Variants in RBFOX1 observed in about 807,000 individuals in gnomAD.
The protein encoded by RBFOX1 is RNA binding protein fox-1 homolog 1.
RBFOX1 carries 8 observed loss-of-function variants against 57.7 expected under a neutral mutation model. The ratio of observed to expected loss-of-function variants is 0.14; its 90% CI spans 0.08 to 0.25. The LOEUF (loss-of-function observed/expected upper bound fraction) is 0.25. Among genes scored for constraint, RBFOX1 ranks in the 10% least tolerant of loss-of-function variants. The probability of loss-of-function intolerance (pLI) is 1.00; values close to 1 mark genes in which losing one functional copy is unlikely to be tolerated. For synonymous variants in RBFOX1, 326 were observed against 222.4 expected (o/e 1.47, Z -4.15); for missense variants, 611 against 548.5 (o/e 1.11, Z -1.14).
chr16:7,350,149 A>C (rs1008518321), intron 4 of RBFOX1, among the ~76,000 whole-genome samples: 2 of 152,148 alleles, frequency 1.3e-5, no homozygotes, highest in African/African-American at 4.8e-5. Context: ...TCCATCTAAA[A>C]AATTTAAAAA....
intron 4 of RBFOX1, among the ~76,000 whole-genome samples, chr16:7,092,874 A>T (rs544411654): frequency 1.2e-4 from 18 of 152,056 alleles, no homozygotes; most frequent in Non-Finnish European, 2.1e-4. Flanking sequence ...TTTCACAGTG[A>T]TTCTTCTTTC....
chr16:6,583,970 A>G (rs1490729442), intron 2 of RBFOX1, among the ~76,000 whole-genome samples: 1 of 151,542 alleles, frequency 6.6e-6, no homozygotes, highest in South Asian at 2.1e-4. Context: ...AAGCTGAAAA[A>G]CAAATAAACA....
At chr16:5,313,542 C>G (rs2064148585) in intron 1 of RBFOX1, among the ~76,000 whole-genome samples, 1 of 151,962 alleles carries the variant, frequency 6.6e-6, no homozygotes, top group Admixed American at 6.6e-5. Context: ...AAAGACTTAC[C>G]CGAGACTGGG....
At chr16:6,226,556 T>G (rs566781511) in intron 1 of RBFOX1, among the ~76,000 whole-genome samples, 210 of 152,162 alleles carry the variant, frequency 1.4e-3, no homozygotes, top group Non-Finnish European at 2.4e-3. Flanking sequence ...CTGAAGCATA[T>G]TGTATGAATT....
intron 4 of RBFOX1, among the ~76,000 whole-genome samples, chr16:5,962,131 C>G (rs1247638285): frequency 6.6e-6 from 1 of 152,118 alleles, no homozygotes; most frequent in African/African-American, 2.4e-5. Flanking sequence ...AAGGCTGTAT[C>G]TCCTGTCTTT....
chr16:5,554,748 A>G (rs2045605606), intron 2 of RBFOX1, among the ~76,000 whole-genome samples: 1 of 152,240 alleles, frequency 6.6e-6, no homozygotes. Context: ...ATTGATCAAC[A>G]AAGAGAAGCA....
At chr16:7,647,145 C>T (rs1207791790) in intron 11 of RBFOX1, among the ~76,000 whole-genome samples, 2 of 152,106 alleles carry the variant, frequency 1.3e-5, no homozygotes, top group Non-Finnish European at 2.9e-5. Flanking sequence ...ACTTCTTATT[C>T]CCAAGAACTG....
chr16:6,867,055 A>G (rs1450536299), intron 3 of RBFOX1, among the ~76,000 whole-genome samples: 2 of 151,026 alleles, frequency 1.3e-5, no homozygotes, highest in Non-Finnish European at 2.9e-5. Flanking sequence ...TGCTATTATT[A>G]TGAGTTTGTA....
intron 1 of RBFOX1, among the ~76,000 whole-genome samples, chr16:5,309,155 A>G (rs956261381): frequency 6.6e-6 from 1 of 152,168 alleles, no homozygotes; most frequent in Non-Finnish European, 1.5e-5. Context: ...CCTGACTTAA[A>G]ATTCCTTTAC....
chr16:6,881,658 T>C (rs1320461994), intron 3 of RBFOX1, among the ~76,000 whole-genome samples: 1 of 152,174 alleles, frequency 6.6e-6, no homozygotes, highest in Non-Finnish European at 1.5e-5. Context: ...TCAAATAAAG[T>C]CACATTCTTA....
At position 6,900,642 on chromosome 16, in the gene RBFOX1, C is replaced by T. The variant is rs74660648; in HGVS notation, c.-15-151415C>T. Among the ~76,000 whole-genome samples, 1,482 of 152,270 alleles carry T rather than the reference C, an allele frequency of 9.7e-3. 26 individuals are homozygous for T. Among genetic ancestry groups the T allele is most frequent in the African/African-American group, 0.034 (1,397 of 41,540 alleles). ...GATGCTATTCCCTCTGCCTGGAATTCTACCCTTCTTGACCTCGTCCCACCA... is the reference window on the plus strand; with the variant it reads ...GATGCTATTCCCTCTGCCTGGAATTTTACCCTTCTTGACCTCGTCCCACCA... On this transcript the variant is annotated intron_variant, in intron 3 of 15. Coordinates refer to ENST00000550418, the MANE Select transcript of RBFOX1 (RefSeq NM_018723.4).
chr16:5,271,185 AAG>A, intron 1 of RBFOX1, among the ~76,000 whole-genome samples: 1 of 152,232 alleles, frequency 6.6e-6, no homozygotes, highest in East Asian at 1.9e-4. Context: ...TCTCTCCAAA[AAG>A]AAAAAAGAAA....
intron 13 of RBFOX1, among the ~76,000 whole-genome samples, chr16:7,669,137 CAA>C (rs549478229): frequency 1.3e-5 from 2 of 152,162 alleles, no homozygotes; most frequent in Non-Finnish European, 2.9e-5. Flanking sequence ...CTCCTGACTT[CAA>C]GAGATCCACC....
In RBFOX1 at chr16:7,177,975, G is replaced by A. The variant is rs1028957799; in HGVS notation, c.27+125877G>A. The stretch of plus-strand genomic sequence containing the variant: ...TGGAGAGCAGACACAACATGCTCAC[G>A]CTCTGGTTCCTTTCTTCTGACCTAT... On this transcript the variant is annotated intron_variant, in intron 4 of 15. Transcript: ENST00000550418. Among the ~76,000 whole-genome samples the A allele has an allele frequency of 4.6e-5, 7 of 152,166 alleles. No homozygotes were observed. The East Asian group carries it at 7.7e-4, about 17-fold the overall frequency.
chr16:6,322,100 G>T (rs2081875183), intron 2 of RBFOX1, among the ~76,000 whole-genome samples: 1 of 152,158 alleles, frequency 6.6e-6, no homozygotes. Context: ...AATGATAAGT[G>T]AGTGTTTTAT....
chr16:6,921,567 G>A (rs1195890006), intron 3 of RBFOX1, among the ~76,000 whole-genome samples: 1 of 151,608 alleles, frequency 6.6e-6, no homozygotes, highest in Non-Finnish European at 1.5e-5. Flanking sequence ...TCATAACATG[G>A]CAGCTTGCTT....
Position 6,949,169 on chromosome 16 carries a change from AAAGTCT to A in RBFOX1, c.-15-102884_-15-102879del, listed in dbSNP as rs529985560. On this transcript the variant is annotated intron_variant, in intron 3 of 15. Transcript: ENST00000550418. ...CTGATGCCTTCCCCCACCCCCCTGA[AAAGTCT>A]AAGGTCTAGAATAAAAGCTACAAAA... is the stretch of plus-strand genomic sequence containing the variant. Among the ~76,000 whole-genome samples the A allele has an allele frequency of 1.3e-3, 203 of 152,140 alleles. 1 individual carries two copies. The highest frequency in any genetic ancestry group is 2.5e-3 in the Non-Finnish European group (171 of 68,042).
At chr16:7,105,785 T>TCTATATATCTATGTAGATATATAG (rs2063479565) in intron 4 of RBFOX1, among the ~76,000 whole-genome samples, 8 of 147,106 alleles carry the variant, frequency 5.4e-5, no homozygotes, top group Admixed American at 2.0e-4. Flanking sequence ...TAGATGTATA[T>TCTATATATCTATGTAGATATATAG]AGAGATAGAT....
intron 4 of RBFOX1, among the ~76,000 whole-genome samples, chr16:5,990,702 T>A (rs888256338): frequency 1.2e-4 from 18 of 150,500 alleles, no homozygotes; most frequent in Admixed American, 4.0e-4. Flanking sequence ...GCACAGTGGC[T>A]CACGCCTGTA....
Sources: allele counts gnomAD v4.1 joint callset (sites outside exome capture counted in the v4.1 genomes callset), GRCh38; gene constraint gnomAD v4.1.1; transcripts MANE v1.5; gene names NCBI Gene and HGNC (gene_info 2026-07-23, HGNC 2026-07-21).